Variants in KIZ observed in about 807,000 individuals in gnomAD.
KIZ encodes kizuna centrosomal protein, also known as centrosomal protein kizuna.
KIZ carries 68 observed loss-of-function variants against 79.6 expected under a neutral mutation model. That is an observed-to-expected ratio of 0.85 (90% CI 0.70 to 1.05). The LOEUF is 1.05. KIZ is among the 50% of genes least tolerant of loss of function. KIZ has a pLI of 0.00. For synonymous variants in KIZ, 280 were observed against 281.8 expected, an observed-to-expected ratio of 0.99 and a Z score of 0.06; for missense variants, 797 against 800.4, an observed-to-expected ratio of 1.00 and a Z score of 0.05.
At chr20:21,217,148 A>AT (rs2036324003) in intron 9 of KIZ, among the ~76,000 whole-genome samples, 1 of 152,140 alleles carries the variant, frequency 6.6e-6, no homozygotes, top group African/African-American at 2.4e-5. Context: ...TACTTTGGAA[A>AT]TTTTTTAAAA....
chr20:21,238,352 A>AGAGAGTGTGT (rs145637920), intron 11 of KIZ, among the ~76,000 whole-genome samples: 2 of 149,138 alleles, frequency 1.3e-5, no homozygotes, highest in Non-Finnish European at 3.0e-5. Context: ...AGAGAGAGAG[A>AGAGAGTGTGT]GTGTGTGTGT....
intron 6 of KIZ, chr20:21,196,631 T>A (rs2035354961): frequency 2.6e-5 from 4 of 152,240 alleles, no homozygotes; most frequent in Non-Finnish European, 5.9e-5. Context: ...AGGCCTGAAG[T>A]CTGGAAGCTT....
intron 4 of KIZ, among the ~76,000 whole-genome samples, chr20:21,155,335 C>T (rs939619989): frequency 6.6e-6 from 1 of 151,878 alleles, no homozygotes; most frequent in African/African-American, 2.4e-5. Flanking sequence ...ATTATTCAGC[C>T]ATGAAAAGGA....
chr20:21,214,757 C>A, intron 8 of KIZ, 57 bp downstream of exon 8: 1 of 1,147,224 alleles, frequency 8.7e-7, no homozygotes, highest in Non-Finnish European at 1.3e-6. Flanking sequence ...TCATCATCAT[C>A]TTTCTCAAGG....
intron 6 of KIZ, among the ~76,000 whole-genome samples, chr20:21,174,640 C>A (rs1307098544): frequency 6.6e-6 from 1 of 152,186 alleles, no homozygotes; most frequent in African/African-American, 2.4e-5. Context: ...CAGGCTTGAA[C>A]AAAGTACTTG....
At chr20:21,126,359 G>T (rs2031469254) in intron 1 of KIZ, among the ~76,000 whole-genome samples, 155 bp downstream of exon 1, 1 of 152,080 alleles carries the variant, frequency 6.6e-6, no homozygotes, top group African/African-American at 2.4e-5. Context: ...CTGGAGGACA[G>T]TGTTTACTAG....
intron 3 of KIZ, among the ~76,000 whole-genome samples, chr20:21,143,434 G>A (rs1057474653): frequency 6.6e-6 from 1 of 152,212 alleles, no homozygotes; most frequent in Admixed American, 6.5e-5. Context: ...TATCATAATG[G>A]AAAACGTTTG....
At chr20:21,126,794 A>G (rs1414132213) in intron 1 of KIZ, among the ~76,000 whole-genome samples, 1 of 152,204 alleles carries the variant, frequency 6.6e-6, no homozygotes, top group Admixed American at 6.5e-5. Context: ...CCTTTGATTA[A>G]GATATGAAAG....
intron 6 of KIZ, among the ~76,000 whole-genome samples, chr20:21,190,087 T>C (rs755177676): frequency 3.3e-5 from 5 of 152,264 alleles, no homozygotes; most frequent in Non-Finnish European, 5.9e-5. Context: ...TGGCCTCACA[T>C]ACAGCTGTTC....
At chr20:21,151,613 T>C in intron 4 of KIZ, 1 of 152,196 alleles carries the variant, frequency 6.6e-6, no homozygotes, top group East Asian at 1.9e-4. Flanking sequence ...AGAAGCTCCA[T>C]AGGAGAACGA....
intron 6 of KIZ, chr20:21,197,444 A>G (rs1272797268): frequency 1.3e-5 from 2 of 152,228 alleles, no homozygotes; most frequent in Non-Finnish European, 2.9e-5. Flanking sequence ...AGCAGTGACA[A>G]TTTAAGTAAA....
At chr20:21,222,768 T>C (rs1475934641) in intron 9 of KIZ, among the ~76,000 whole-genome samples, 3 of 152,204 alleles carry the variant, frequency 2.0e-5, no homozygotes, top group African/African-American at 4.8e-5. Context: ...GTGTCTGCTC[T>C]TCTTCTTAGA....
At chr20:21,201,357 T>C (rs937656199) in intron 6 of KIZ, among the ~76,000 whole-genome samples, 1 of 152,234 alleles carries the variant, frequency 6.6e-6, no homozygotes, top group Non-Finnish European at 1.5e-5. Flanking sequence ...GATTAATAAG[T>C]ATTTTATGAG....
chr20:21,201,762 G>A (rs774255494), intron 6 of KIZ, among the ~76,000 whole-genome samples: 3 of 152,062 alleles, frequency 2.0e-5, no homozygotes, highest in Non-Finnish European at 4.4e-5. Context: ...ATTTTCCAAC[G>A]TAAATTAGAC....
intron 4 of KIZ, among the ~76,000 whole-genome samples, chr20:21,159,047 A>T (rs958963204): frequency 6.7e-6 from 1 of 148,836 alleles, no homozygotes; most frequent in African/African-American, 2.5e-5. Flanking sequence ...TGCTCTTGTC[A>T]CCCAGGCTGG....
chr20:21,238,725 C>T (rs1367985769), intron 11 of KIZ, among the ~76,000 whole-genome samples: 1 of 152,204 alleles, frequency 6.6e-6, no homozygotes, highest in Non-Finnish European at 1.5e-5. Context: ...GTGTCAGTCT[C>T]CTCACCGGAG....
At chr20:21,244,428 G>A (rs1276348512) in intron 12 of KIZ, 140 bp downstream of exon 12, 1 of 664,058 alleles carries the variant, frequency 1.5e-6, no homozygotes, top group African/African-American at 1.8e-5. Flanking sequence ...CTGTCCCTGG[G>A]GTGGAACCTG....
At chr20:21,183,125 C>T (rs1206671935) in intron 6 of KIZ, among the ~76,000 whole-genome samples, 3 of 152,152 alleles carry the variant, frequency 2.0e-5, no homozygotes, top group Admixed American at 2.0e-4. Flanking sequence ...TTAGTAGATG[C>T]AGAGAACAGC....
rs541836728 is a variant in KIZ at position 21,166,530 on chromosome 20, G to A, written c.1352+3371G>A. On this transcript the variant is annotated intron_variant, in intron 6 of 12. Coordinates refer to ENST00000619189, the MANE Select transcript of KIZ (RefSeq NM_018474.6). ...GAGCACGGCCTAATAAGCACCTGGC[G>A]TTTGCCTCTCTTTTCGGCATTGTTG... The A allele has an allele frequency of 5.9e-4, 889 of 1,519,324 alleles. 1 individual carries two copies. Among genetic ancestry groups the A allele is most frequent in the Non-Finnish European group, 7.7e-4 (856 of 1,105,146 alleles). 94.1% of individuals were successfully genotyped at this position (1,519,324 alleles called of 1,614,324 possible).
Sources: gnomAD v4.1 joint callset for allele counts (sites outside exome capture counted in the v4.1 genomes callset) on GRCh38, gnomAD v4.1.1 for gene constraint, MANE v1.5 for transcripts, NCBI Gene and HGNC (gene_info 2026-07-23, HGNC 2026-07-21) for gene names.